Variants in LMNTD1 observed in about 807,000 individuals in gnomAD.
The protein encoded by LMNTD1 is lamin tail domain-containing protein 1.
A neutral mutation model predicts 50.9 loss-of-function variants in LMNTD1; 35 were observed. The observed-to-expected ratio is 0.69, with a 90% CI of 0.53 to 0.91. The LOEUF is 0.91. Among genes scored for constraint, LMNTD1 ranks in the 40% least tolerant of loss-of-function variants. The pLI is 0.00. For synonymous variants in LMNTD1, 153 were observed against 161.9 expected (o/e 0.94, Z 0.42); for missense variants, 470 against 475.5 (o/e 0.99, Z 0.11).
intron 7 of LMNTD1, among the ~76,000 whole-genome samples, chr12:25,519,308 G>A (rs1017755047): frequency 6.6e-5 from 10 of 152,034 alleles, no homozygotes; most frequent in Admixed American, 1.3e-4. Context: ...AAGTGAAATG[G>A]CGGCCGGCCG....
At chr12:25,615,076 G>A (rs538505511) in intron 1 of LMNTD1, among the ~76,000 whole-genome samples, 31 of 152,234 alleles carry the variant, frequency 2.0e-4, no homozygotes, top group Non-Finnish European at 2.2e-4. Flanking sequence ...GACGTCAACC[G>A]ATAAATACAG....
At chr12:25,512,270 G>C (rs985016496) in intron 8 of LMNTD1, among the ~76,000 whole-genome samples, 35 of 152,170 alleles carry the variant, frequency 2.3e-4, no homozygotes, top group African/African-American at 8.0e-4. Context: ...GTTTGAATTT[G>C]AAGTTAGATT....
intron 9 of LMNTD1, among the ~76,000 whole-genome samples, chr12:25,501,211 G>A (rs1160322206): frequency 6.6e-6 from 1 of 152,030 alleles, no homozygotes; most frequent in African/African-American, 2.4e-5. Flanking sequence ...GGCTGCCTTT[G>A]AACTCCTGAC....
chr12:25,478,773 C>T (rs770668268), intron 9 of LMNTD1, among the ~76,000 whole-genome samples: 9 of 151,942 alleles, frequency 5.9e-5, no homozygotes, highest in South Asian at 2.1e-4. Context: ...GCAACAAGAG[C>T]GAAACTCTGT....
chr12:25,515,238 C>G (rs995914226), intron 8 of LMNTD1, among the ~76,000 whole-genome samples: 3 of 151,518 alleles, frequency 2.0e-5, no homozygotes, highest in Non-Finnish European at 4.4e-5. Flanking sequence ...ATTTTTTCAT[C>G]TATATTATTG....
chr12:25,513,350 A>C (rs1304783434), intron 8 of LMNTD1, among the ~76,000 whole-genome samples: 1 of 152,224 alleles, frequency 6.6e-6, no homozygotes. Context: ...ACAGAGGGGA[A>C]AAAACAACCC....
chr12:25,607,941 G>A (rs1412699247), intron 1 of LMNTD1, among the ~76,000 whole-genome samples: 1 of 152,154 alleles, frequency 6.6e-6, no homozygotes, highest in South Asian at 2.1e-4. Flanking sequence ...AGGTGTTAAA[G>A]TCTCCCATTA....
At chr12:25,546,657 A>C in intron 3 of LMNTD1, 103 bp from the exon 4 acceptor site, 1 of 612,434 alleles carries the variant, frequency 1.6e-6, no homozygotes, top group South Asian at 6.3e-5. Context: ...CTACAAAATT[A>C]TATTTTTACA....
chr12:25,621,020 A>G (rs2136564356), intron 1 of LMNTD1, among the ~76,000 whole-genome samples: 1 of 152,290 alleles, frequency 6.6e-6, no homozygotes, highest in East Asian at 1.9e-4. Flanking sequence ...GTGAACTGAC[A>G]TCAGACACTG....
intron 8 of LMNTD1, among the ~76,000 whole-genome samples, chr12:25,514,261 C>A (rs1016888049): frequency 6.6e-6 from 1 of 152,054 alleles, no homozygotes; most frequent in Non-Finnish European, 1.5e-5. Context: ...TCAGTGTGCA[C>A]GTGATGGACA....
intron 9 of LMNTD1, among the ~76,000 whole-genome samples, chr12:25,479,450 C>T (rs1938372980): frequency 6.6e-6 from 1 of 152,158 alleles, no homozygotes; most frequent in Non-Finnish European, 1.5e-5. Context: ...GAACTTTGCC[C>T]TAGCCCTGCA....
intron 9 of LMNTD1, chr12:25,500,006 C>G (rs1007158656): frequency 1.3e-5 from 2 of 152,030 alleles, no homozygotes; most frequent in African/African-American, 4.8e-5. Flanking sequence ...GCTGGGAAAA[C>G]AAGAACAGGG....
At position 25,560,223 on chromosome 12, in the gene LMNTD1, G is replaced by T. The variant is rs559157400; in HGVS notation, c.59-13669C>A. Among the ~76,000 whole-genome samples the T allele has an allele frequency of 2.2e-4, 33 of 152,306 alleles. 2 individuals are homozygous for T. In the South Asian group the frequency reaches 5.6e-3, roughly 26 times the overall value. The stretch of plus-strand genomic sequence containing the variant: ...CCATCTTGAATTAATTTTTGTATAA[G>T]GTGTAAGGAAGGGATCCAGTTTCAG... On this transcript the variant is annotated intron_variant, in intron 1 of 7. Transcript: ENST00000445693.
intron 1 of LMNTD1, among the ~76,000 whole-genome samples, chr12:25,639,782 G>A (rs569066377): frequency 1.8e-4 from 27 of 151,450 alleles, no homozygotes; most frequent in African/African-American, 6.3e-4. Context: ...CTTATGACTC[G>A]GCAATTCCAC....
At chr12:25,483,666 A>G (rs920405598) in intron 9 of LMNTD1, among the ~76,000 whole-genome samples, 4 of 151,620 alleles carry the variant, frequency 2.6e-5, no homozygotes, top group Non-Finnish European at 5.9e-5. Context: ...CAGCTACTCA[A>G]GAGGCTGAGG....
chr12:25,594,259 C>T (rs1945785409), intron 1 of LMNTD1, among the ~76,000 whole-genome samples: 1 of 152,086 alleles, frequency 6.6e-6, no homozygotes, highest in African/African-American at 2.4e-5. Context: ...GGCACATTGT[C>T]ATCAGGTTAT....
chr12:25,556,641 C>A (rs1278915094), upstream of LMNTD1, among the ~76,000 whole-genome samples: 1 of 152,070 alleles, frequency 6.6e-6, no homozygotes, highest in Non-Finnish European at 1.5e-5. Context: ...TGGGAAAGTA[C>A]GAGAATTTTG....
chr12:25,594,716 T>A (rs1435828009), intron 1 of LMNTD1, among the ~76,000 whole-genome samples: 4 of 139,220 alleles, frequency 2.9e-5, no homozygotes, highest in African/African-American at 1.1e-4. Context: ...GTGAATGGAA[T>A]GGCACCTCAC....
intron 9 of LMNTD1, among the ~76,000 whole-genome samples, chr12:25,493,245 T>C (rs7301856): frequency 0.26 from 39,659 of 152,036 alleles, 5,339 homozygotes; most frequent in Middle Eastern, 0.34. Context: ...GTATAATAGA[T>C]GCTCAAAAAA....
Sources: gnomAD v4.1 joint callset for allele counts (sites outside exome capture counted in the v4.1 genomes callset) on GRCh38, gnomAD v4.1.1 for gene constraint, MANE v1.5 for transcripts, NCBI Gene and HGNC (gene_info 2026-07-23, HGNC 2026-07-21) for gene names.